The following SH3D19 variants were observed in gnomAD, a reference collection of about 807,000 sequenced individuals.
SH3D19 encodes SH3 domain containing 19, also known as SH3 domain-containing protein 19.
In SH3D19, 58 loss-of-function variants were observed where a neutral mutation model predicts 112.1. That is an observed-to-expected ratio of 0.52 (90% CI 0.42 to 0.64). The LOEUF (loss-of-function observed/expected upper bound fraction) is 0.64. SH3D19 is among the 30% of genes least tolerant of loss of function. The pLI is 0.00. For synonymous variants in SH3D19, 391 were observed against 448.5 expected, an observed-to-expected ratio of 0.87 and a Z score of 1.62; for missense variants, 1,090 against 1,263.4, an observed-to-expected ratio of 0.86 and a Z score of 2.08.
intron 1 of SH3D19, among the ~76,000 whole-genome samples, chr4:151,270,978 T>C (rs1251257696): frequency 2.0e-5 from 3 of 152,112 alleles, no homozygotes; most frequent in African/African-American, 7.2e-5. Flanking sequence ...GGCTGGAGTG[T>C]AGTGTCCCAA....
intron 2 of SH3D19, among the ~76,000 whole-genome samples, chr4:151,214,743 GAGGC>G (rs1766715153): frequency 1.1e-5 from 1 of 91,092 alleles, no homozygotes; most frequent in Non-Finnish European, 2.8e-5. Context: ...CCCGGATGGG[GAGGC>G]TGGCCGGGCA....
At chr4:151,182,056 T>G (rs1420661081) in intron 3 of SH3D19, among the ~76,000 whole-genome samples, 3 of 152,052 alleles carry the variant, frequency 2.0e-5, no homozygotes, top group Non-Finnish European at 4.4e-5. Context: ...TGGCACAATA[T>G]TGGCTCACTG....
rs955316323 is a variant in SH3D19, at chr4:151,325,305, C to T, written c.48G>A (p.Glu16=). The change falls in exon 1 of 20, where the codon GAG becomes GAA. Residue 16 remains glutamate (E), a synonymous_variant. Transcript: ENST00000604030. Reference sequence around the variant, plus strand: ...GGCGCTGGCCACCAAGTTCGCGGCGCTCGCGTAGCTCTTCCTCCTCGTCCT... The same window carrying T: ...GGCGCTGGCCACCAAGTTCGCGGCGTTCGCGTAGCTCTTCCTCCTCGTCCT... ...RREDEEEELR[E]RRELGGQRRA... is the part of the protein sequence containing the mutation. The T allele has an allele frequency of 2.5e-6, 3 of 1,219,642 alleles. No individual in the cohort carries two copies. Among genetic ancestry groups the T allele is most frequent in the African/African-American group, 3.1e-5 (2 of 63,812 alleles). 75.6% of individuals were successfully genotyped at this position (1,219,642 alleles called of 1,614,324 possible). A position where few individuals can be genotyped will look rare whatever the true frequency, so the allele number is the denominator to read the frequency against.
At chr4:151,192,044 A>G (rs1332673865) in intron 2 of SH3D19, among the ~76,000 whole-genome samples, 1 of 146,756 alleles carries the variant, frequency 6.8e-6, no homozygotes, top group Non-Finnish European at 1.5e-5. Flanking sequence ...TCCTGGGTTC[A>G]CGCCATTCTC....
chr4:151,147,356 T>A (rs553043424), intron 11 of SH3D19, among the ~76,000 whole-genome samples: 16 of 152,310 alleles, frequency 1.1e-4, no homozygotes, highest in African/African-American at 3.8e-4. Context: ...TTTTTCAGAA[T>A]TTCTGTTTGG....
At chr4:151,159,170 A>G (rs1360093033) in intron 9 of SH3D19, 70 bp downstream of exon 9, 3 of 839,478 alleles carry the variant, frequency 3.6e-6, no homozygotes, top group Non-Finnish European at 5.4e-6. Flanking sequence ...TAATTTAGAT[A>G]TTAGCTGACT....
intron 1 of SH3D19, among the ~76,000 whole-genome samples, chr4:151,317,638 T>C (rs757589140): frequency 2.6e-4 from 39 of 152,322 alleles, no homozygotes; most frequent in Non-Finnish European, 5.1e-4. Flanking sequence ...TGAACATAAT[T>C]GCTTATGTCA....
At chr4:151,277,176 G>A in intron 1 of SH3D19, 1 of 1,484,038 alleles carries the variant, frequency 6.7e-7, no homozygotes, top group Non-Finnish European at 9.1e-7. Context: ...CAGAGACATG[G>A]GCCCTGCTGG....
chr4:151,152,922 G>A (rs372213230), intron 9 of SH3D19, among the ~76,000 whole-genome samples: 32 of 150,572 alleles, frequency 2.1e-4, no homozygotes, highest in East Asian at 4.0e-4. Context: ...TGCAACCTCC[G>A]CCTCCTGGGT....
chr4:151,127,749 A>G (rs1464982030), intron 18 of SH3D19, 34 bp from the exon 19 acceptor site: 1 of 1,236,196 alleles, frequency 8.1e-7, no homozygotes. Flanking sequence ...ATATATAGAA[A>G]CACAGTGGAC....
chr4:151,200,916 T>C (rs1220377540), intron 2 of SH3D19, among the ~76,000 whole-genome samples: 5 of 152,248 alleles, frequency 3.3e-5, no homozygotes, highest in Admixed American at 6.5e-5. Context: ...AACATTCATA[T>C]TGGAATTACG....
chr4:151,275,847 TA>T (rs1456284607), intron 1 of SH3D19, among the ~76,000 whole-genome samples: 56 of 53,772 alleles, frequency 1.0e-3, no homozygotes, highest in African/African-American at 1.9e-3. Flanking sequence ...TTATTATTAT[TA>T]TTTTTTTTTT....
chr4:151,210,122 T>TA (rs1561347620), intron 2 of SH3D19, among the ~76,000 whole-genome samples: 1 of 152,180 alleles, frequency 6.6e-6, no homozygotes, highest in African/African-American at 2.4e-5. Flanking sequence ...AATTTGGTAG[T>TA]ATATATGAAA....
At chr4:151,127,785 A>T (rs755360455) in intron 18 of SH3D19, 70 bp from the exon 19 acceptor site, 327 of 824,622 alleles carry the variant, frequency 4.0e-4, no homozygotes, top group South Asian at 1.1e-3. Context: ...ACATTTTTTA[A>T]AAAAAAACGC....
At chr4:151,282,442 T>A in intron 1 of SH3D19, 1 of 1,610,302 alleles carries the variant, frequency 6.2e-7, no homozygotes, top group Non-Finnish European at 8.5e-7. Context: ...AAGGGTTGTT[T>A]CATATGTCAT....
intron 2 of SH3D19, among the ~76,000 whole-genome samples, chr4:151,210,790 T>C (rs930842602): frequency 9.2e-5 from 14 of 152,212 alleles, no homozygotes; most frequent in African/African-American, 3.1e-4. Flanking sequence ...TGACTATTAA[T>C]GATTTTATTT....
intron 1 of SH3D19, among the ~76,000 whole-genome samples, chr4:151,256,654 A>C (rs1239610488): frequency 6.7e-6 from 1 of 149,342 alleles, no homozygotes; most frequent in Non-Finnish European, 1.5e-5. Flanking sequence ...TGTTCTTATT[A>C]TCTGATGATA....
At chr4:151,220,914 A>G (rs1767924192) in intron 2 of SH3D19, among the ~76,000 whole-genome samples, 1 of 152,322 alleles carries the variant, frequency 6.6e-6, no homozygotes, top group East Asian at 1.9e-4. Context: ...TGGGACATCA[A>G]TTTGGGAAAT....
intron 8 of SH3D19, among the ~76,000 whole-genome samples, chr4:151,165,107 C>A (rs1158120977): frequency 6.6e-6 from 1 of 152,160 alleles, no homozygotes; most frequent in African/African-American, 2.4e-5. Flanking sequence ...TCCCTCTATT[C>A]TCTGTCTAAA....
Sources: gnomAD v4.1 joint callset for allele counts (sites outside exome capture counted in the v4.1 genomes callset) on GRCh38, gnomAD v4.1.1 for gene constraint, MANE v1.5 for transcripts, NCBI Gene and HGNC (gene_info 2026-07-23, HGNC 2026-07-21) for gene names.